MAPK10: variants seen among roughly 807,000 people sequenced by gnomAD.
MAPK10 encodes the protein mitogen-activated protein kinase 10.
MAPK10 carries 25 observed loss-of-function variants against 59.3 expected under a neutral mutation model. The ratio of observed to expected loss-of-function variants is 0.42; its 90% CI spans 0.31 to 0.59. The LOEUF is 0.59. MAPK10 is among the 20% of genes least tolerant of loss of function. The pLI is 0.15. For missense variants in MAPK10, 351 were observed against 568.9 expected (o/e 0.62, Z 3.90); for synonymous variants, 190 against 200.5 (o/e 0.95, Z 0.44).
chr4:86,423,158 A>G (rs1183193438), intron 1 of MAPK10, among the ~76,000 whole-genome samples: 3 of 152,172 alleles, frequency 2.0e-5, no homozygotes, highest in Admixed American at 2.0e-4. Flanking sequence ...TACCTGGAGA[A>G]GCAATTATGG....
chr4:86,487,824 A>C lies in MAPK10; in HGVS notation c.-263+106086T>G, dbSNP rs541382196. 1.5e-4 allele frequency among the ~76,000 whole-genome samples: 23 copies of C among 152,302 alleles called. No homozygotes were observed. In the South Asian group the frequency reaches 3.9e-3, roughly 26 times the overall value. ...TCTATAAGTTTAAAATTATTTCAAA[A>C]TACAACTTAAAATAAAATCAAAAGA... On this transcript the variant is annotated intron_variant, in intron 1 of 4. Coordinates refer to the MAPK10 transcript ENST00000502302.
intron 1 of MAPK10, among the ~76,000 whole-genome samples, chr4:86,423,051 C>T (rs1746745076): frequency 6.6e-6 from 1 of 152,120 alleles, no homozygotes; most frequent in African/African-American, 2.4e-5. Context: ...TCACTTCATG[C>T]AACTAAAATG....
At chr4:86,258,462 T>C (rs2093846707) in intron 2 of MAPK10, among the ~76,000 whole-genome samples, 2 of 152,212 alleles carry the variant, frequency 1.3e-5, no homozygotes, top group Non-Finnish European at 2.9e-5. Context: ...TCTATAATTA[T>C]GTTCAAAATC....
Position 86,135,522 on chromosome 4 carries a change from C to A in MAPK10, c.236+23776G>T, listed in dbSNP as rs533900477. ...TAACAAACAGAAAGGACATCCACAC[C>A]AAAAACCCATCTGTACATCACCATC... On this transcript the variant is annotated intron_variant, in intron 4 of 13. Coordinates refer to ENST00000641462, the MANE Select transcript of MAPK10 (RefSeq NM_138982.4). Among the ~76,000 whole-genome samples the A allele has an allele frequency of 3.0e-4, 46 of 152,192 alleles. 3 individuals carry two copies. The East Asian group carries it at 8.5e-3, about 28-fold the overall frequency.
At chr4:86,408,748 G>A (rs965458327) in intron 1 of MAPK10, among the ~76,000 whole-genome samples, 2 of 152,062 alleles carry the variant, frequency 1.3e-5, no homozygotes, top group Non-Finnish European at 2.9e-5. Flanking sequence ...TGATGGGGTT[G>A]TTTGTTTTTT....
intron 9 of MAPK10, among the ~76,000 whole-genome samples, chr4:86,078,732 G>A (rs181608901): frequency 2.6e-5 from 4 of 152,224 alleles, no homozygotes; most frequent in African/African-American, 9.6e-5. Context: ...GCTCATGCAT[G>A]TAATCCTAGC....
rs373365841 is a variant in MAPK10, at chr4:86,418,312, A to C, written c.-122+34718T>G. 2.6e-5 allele frequency among the ~76,000 whole-genome samples: 4 copies of C among 152,258 alleles called. No individual in the cohort carries two copies. The South Asian group carries it at 6.2e-4, about 24-fold the overall frequency. ...TTTGCTATTTCTAAATCACCATCAA[A>C]AATGTTGTGTCCTCTTTAAACCCAT... On this transcript the variant is annotated intron_variant, in intron 1 of 13. Coordinates refer to the MAPK10 transcript ENST00000361569.
At chr4:86,200,277 C>G (rs1430273532) in intron 2 of MAPK10, among the ~76,000 whole-genome samples, 1 of 151,936 alleles carries the variant, frequency 6.6e-6, no homozygotes, top group Non-Finnish European at 1.5e-5. Context: ...CTGAAACACA[C>G]ATTTCAATGA....
chr4:86,540,899 T>C (rs773875862), intron 1 of MAPK10, among the ~76,000 whole-genome samples: 2 of 151,372 alleles, frequency 1.3e-5, no homozygotes, highest in Admixed American at 6.6e-5. Context: ...GCCCAGAAGT[T>C]TGAGACCAGC....
At chr4:86,341,560 C>T (rs1007855629) in intron 2 of MAPK10, among the ~76,000 whole-genome samples, 16 of 152,076 alleles carry the variant, frequency 1.1e-4, no homozygotes, top group South Asian at 6.2e-4. Context: ...TTTTAGATCC[C>T]TTATATTTAT....
intron 1 of MAPK10, among the ~76,000 whole-genome samples, chr4:86,359,284 CTCTCTGTGTGTGTG>C (rs1189522891): frequency 7.5e-6 from 1 of 132,940 alleles, no homozygotes; most frequent in Non-Finnish European, 1.6e-5. Flanking sequence ...CTCTCTCTCT[CTCTCTGTGTGTGTG>C]TGTGTGTGTG....
intron 2 of MAPK10, among the ~76,000 whole-genome samples, chr4:86,279,842 TCTGA>T (rs1167437522): frequency 6.6e-6 from 1 of 152,136 alleles, no homozygotes; most frequent in East Asian, 1.9e-4. Context: ...TGTGAGCTTC[TCTGA>T]CTACGTTGTT....
intron 9 of MAPK10, among the ~76,000 whole-genome samples, chr4:86,077,837 A>G (rs990280895): frequency 2.0e-5 from 3 of 152,192 alleles, no homozygotes; most frequent in African/African-American, 7.2e-5. Context: ...CATGCACGCC[A>G]AACAGCTGTT....
At chr4:86,450,770 A>C (rs1750605787) in intron 1 of MAPK10, among the ~76,000 whole-genome samples, 1 of 152,250 alleles carries the variant, frequency 6.6e-6, no homozygotes, top group South Asian at 2.1e-4. Context: ...CTCAGTCATA[A>C]AGCAAACTGT....
intron 1 of MAPK10, among the ~76,000 whole-genome samples, chr4:86,483,968 T>C (rs1236093255): frequency 1.3e-5 from 2 of 152,006 alleles, no homozygotes; most frequent in African/African-American, 4.8e-5. Flanking sequence ...GGAAGGACAG[T>C]TTTCCAGGCC....
At chr4:86,435,727 A>G (rs763928783) in intron 1 of MAPK10, among the ~76,000 whole-genome samples, 5 of 152,114 alleles carry the variant, frequency 3.3e-5, no homozygotes, top group Non-Finnish European at 7.4e-5. Flanking sequence ...TATAGACTCA[A>G]TGCTCACTGA....
At chr4:86,362,577 C>T (rs913371938), upstream of MAPK10, among the ~76,000 whole-genome samples, 2 of 152,016 alleles carry the variant, frequency 1.3e-5, no homozygotes, top group Non-Finnish European at 2.9e-5. Context: ...TTATAGAAAA[C>T]ATGTCCTACA....
At chr4:86,078,505 A>G (rs540201647) in intron 9 of MAPK10, among the ~76,000 whole-genome samples, 1 of 152,198 alleles carries the variant, frequency 6.6e-6, no homozygotes, top group Admixed American at 6.5e-5. Context: ...AGTAGTACCC[A>G]TGGAAAGTAC....
At chr4:86,554,620 G>A (rs1388626832) in intron 1 of MAPK10, among the ~76,000 whole-genome samples, 1 of 152,078 alleles carries the variant, frequency 6.6e-6, no homozygotes, top group African/African-American at 2.4e-5. Flanking sequence ...ATTCAATTCA[G>A]GCTCTTACGA....
Sources: gnomAD v4.1 joint callset for allele counts (sites outside exome capture counted in the v4.1 genomes callset) on GRCh38, gnomAD v4.1.1 for gene constraint, MANE v1.5 for transcripts, NCBI Gene and HGNC (gene_info 2026-07-23, HGNC 2026-07-21) for gene names.